Variants in RAB6A observed in about 807,000 individuals in gnomAD.
RAB6A encodes the protein RAB6A, member RAS oncogene family.
In RAB6A, 8 loss-of-function variants were observed where a neutral mutation model predicts 32.3. The observed-to-expected ratio is 0.25, with a 90% CI of 0.15 to 0.45. The LOEUF is 0.45. Ranked by LOEUF, RAB6A falls within the 20% of genes least tolerant of loss-of-function variation. The probability of loss-of-function intolerance (pLI) is 1.00; values close to 1 mark genes in which losing one functional copy is unlikely to be tolerated. For missense variants in RAB6A, 104 were observed against 249.4 expected (o/e 0.42, Z 3.93); for synonymous variants, 73 against 82.1 (o/e 0.89, Z 0.60).
Position 73,691,688 on chromosome 11 carries a change from C to T in RAB6A, c.496-11968G>A, listed in dbSNP as rs1023006274. 3.9e-5 allele frequency among the ~76,000 whole-genome samples: 6 copies of T among 152,150 alleles called. No homozygotes were observed. The South Asian group carries it at 8.3e-4, about 21-fold the overall frequency. On this transcript the variant is annotated intron_variant, in intron 6 of 7. Transcript: ENST00000336083. ...TTAGGAAGCAAAAAGTGGCCAGGCA[C>T]GGTGGCTCACGCTTGTAATCCCAGC...
intron 6 of RAB6A, among the ~76,000 whole-genome samples, chr11:73,683,105 T>A (rs1945385680): frequency 6.6e-6 from 1 of 152,004 alleles, no homozygotes; most frequent in Non-Finnish European, 1.5e-5. Flanking sequence ...CTATTTATTA[T>A]CACAAATAGG....
intron 2 of RAB6A, among the ~76,000 whole-genome samples, chr11:73,727,801 G>A (rs964070843): frequency 1.3e-5 from 2 of 152,160 alleles, no homozygotes; most frequent in Admixed American, 6.6e-5. Context: ...CAAGACAGCA[G>A]CAGTTAATGA....
intron 6 of RAB6A, among the ~76,000 whole-genome samples, chr11:73,699,199 T>A (rs978709224): frequency 6.6e-6 from 1 of 152,038 alleles, no homozygotes; most frequent in South Asian, 2.1e-4. Flanking sequence ...ATTCTAACTA[T>A]ATGTGATATC....
At chr11:73,682,627 C>T (rs1340541758) in intron 6 of RAB6A, among the ~76,000 whole-genome samples, 1 of 152,132 alleles carries the variant, frequency 6.6e-6, no homozygotes. Flanking sequence ...GGTGCCACTG[C>T]ACTCCACCCT....
intron 3 of RAB6A, among the ~76,000 whole-genome samples, chr11:73,719,709 G>A (rs1334925145): frequency 6.6e-5 from 10 of 150,670 alleles, no homozygotes; most frequent in Admixed American, 2.0e-4. Flanking sequence ...TCTGCCTCCC[G>A]GGTTCAAACG....
intron 6 of RAB6A, 106 bp downstream of exon 6, chr11:73,707,314 G>T (rs1945863042): frequency 2.8e-6 from 2 of 724,014 alleles, no homozygotes; most frequent in Non-Finnish European, 4.6e-6. Context: ...CTGCTAGTTT[G>T]TAAGGCCTGC....
chr11:73,736,253 A>G (rs1377168307), intron 1 of RAB6A, among the ~76,000 whole-genome samples: 1 of 151,628 alleles, frequency 6.6e-6, no homozygotes, highest in African/African-American at 2.4e-5. Flanking sequence ...ACATGGTGAA[A>G]CCCCATCTCT....
At chr11:73,682,266 A>G (rs1174279671) in intron 6 of RAB6A, among the ~76,000 whole-genome samples, 1 of 152,218 alleles carries the variant, frequency 6.6e-6, no homozygotes, top group Non-Finnish European at 1.5e-5. Flanking sequence ...GTTTGAGACC[A>G]CTGGCAACAC....
chr11:73,685,418 A>T (rs2134870725), intron 6 of RAB6A, among the ~76,000 whole-genome samples: 1 of 149,808 alleles, frequency 6.7e-6, no homozygotes, highest in African/African-American at 2.5e-5. Context: ...CCTCCCGAGT[A>T]GCTGGGACTA....
intron 1 of RAB6A, among the ~76,000 whole-genome samples, chr11:73,734,004 A>G (rs1946356753): frequency 6.6e-6 from 1 of 152,214 alleles, no homozygotes; most frequent in Non-Finnish European, 1.5e-5. Context: ...TTCCCAATAA[A>G]AAGTGTATAT....
chr11:73,757,129 ATTTT>A (rs869261713), intron 1 of RAB6A, among the ~76,000 whole-genome samples: 90 of 30,186 alleles, frequency 3.0e-3, no homozygotes, highest in Non-Finnish European at 3.3e-3. Flanking sequence ...ATATATATAT[ATTTT>A]TTTTTTTTTT....
chr11:73,753,636 G>T (rs186002144), intron 1 of RAB6A, among the ~76,000 whole-genome samples: 1 of 151,918 alleles, frequency 6.6e-6, no homozygotes, highest in Non-Finnish European at 1.5e-5. Context: ...GCATGAACCC[G>T]GGAGGCAGAG....
In RAB6A at chr11:73,714,209, A is replaced by AATAT. The variant is rs1555059763; in HGVS notation, c.401+2038_401+2041dup. Among the ~76,000 whole-genome samples the AATAT allele has an allele frequency of 2.8e-3, 163 of 57,552 alleles. 1 individual carries two copies. The highest frequency in any genetic ancestry group is 8.3e-3 in the Middle Eastern group (1 of 120). The allele number at this position is 57,552 out of a possible 152,430, so 37.8% of individuals were successfully genotyped here. The stretch of plus-strand genomic sequence containing the variant: ...CTCCATCTCAAAAAAAAAAAAAAAA[A>AATAT]ATATATATATATATATATATACACA... On this transcript the variant is annotated intron_variant, in intron 5 of 7. Coordinates refer to ENST00000336083, the MANE Select transcript of RAB6A (RefSeq NM_198896.2).
intron 5 of RAB6A, among the ~76,000 whole-genome samples, 156 bp from the exon 6 acceptor site, chr11:73,707,669 TTG>T (rs1269549704): frequency 2.6e-5 from 4 of 152,230 alleles, no homozygotes; most frequent in East Asian, 1.9e-4. Flanking sequence ...CTCTTGAAAT[TTG>T]TGTGTTTCTG....
chr11:73,690,977 C>T (rs1393438921), intron 6 of RAB6A, among the ~76,000 whole-genome samples: 3 of 149,154 alleles, frequency 2.0e-5, no homozygotes, highest in Admixed American at 1.3e-4. Context: ...ATAGGTTAAG[C>T]ACCTCACACA....
chr11:73,688,878 C>T (rs988213035), intron 6 of RAB6A, among the ~76,000 whole-genome samples: 3 of 152,142 alleles, frequency 2.0e-5, no homozygotes, highest in African/African-American at 7.2e-5. Context: ...CTCTTGTAAT[C>T]CCAGCACTTT....
chr11:73,726,365 G>A (rs1334574855), intron 2 of RAB6A, among the ~76,000 whole-genome samples: 18 of 150,448 alleles, frequency 1.2e-4, no homozygotes, highest in African/African-American at 4.1e-4. Context: ...GGTGGATCAC[G>A]AGGTCAGGAG....
intron 6 of RAB6A, among the ~76,000 whole-genome samples, chr11:73,693,985 G>C (rs1482294742): frequency 6.6e-6 from 1 of 152,142 alleles, no homozygotes; most frequent in East Asian, 1.9e-4. Flanking sequence ...GAAAGGTTAT[G>C]TGTGAAGTCT....
chr11:73,736,740 C>T (rs1946399403), intron 1 of RAB6A, among the ~76,000 whole-genome samples: 1 of 138,226 alleles, frequency 7.2e-6, no homozygotes, highest in Non-Finnish European at 1.5e-5. Flanking sequence ...TACAGTGAGC[C>T]AAGACTGTGC....
Sources: gnomAD v4.1 joint callset for allele counts (sites outside exome capture counted in the v4.1 genomes callset) on GRCh38, gnomAD v4.1.1 for gene constraint, MANE v1.5 for transcripts, NCBI Gene and HGNC (gene_info 2026-07-23, HGNC 2026-07-21) for gene names.